UBAC2: variants seen among roughly 807,000 people sequenced by gnomAD.
The protein encoded by UBAC2 is ubiquitin-associated domain-containing protein 2.
UBAC2 carries 26 observed loss-of-function variants against 44.0 expected under a neutral mutation model. That is an observed-to-expected ratio of 0.59 (90% CI 0.43 to 0.82). UBAC2 has a LOEUF of 0.82. Ranked by LOEUF, UBAC2 falls within the 40% of genes least tolerant of loss-of-function variation. The pLI is 0.00. For synonymous variants in UBAC2, 155 were observed against 154.3 expected, an observed-to-expected ratio of 1.00 and a Z score of -0.04; for missense variants, 329 against 419.4, an observed-to-expected ratio of 0.78 and a Z score of 1.88.
At chr13:99,205,861 C>A in intron 1 of UBAC2, 1 of 160,560 alleles carries the variant, frequency 6.2e-6, no homozygotes. Flanking sequence ...AGAGGACGAC[C>A]ATCCCCGATA....
chr13:99,385,198 C>T (rs1262896823), intron 8 of UBAC2, 30 bp from the exon 9 acceptor site: 3 of 1,545,212 alleles, frequency 1.9e-6, no homozygotes, highest in African/African-American at 1.4e-5. Context: ...TGTCAGCGCC[C>T]TCAGGTTTCT....
chr13:99,211,897 C>T (rs1220840842), intron 1 of UBAC2, among the ~76,000 whole-genome samples: 3 of 152,160 alleles, frequency 2.0e-5, no homozygotes, highest in Non-Finnish European at 4.4e-5. Flanking sequence ...CCCCTTGGGA[C>T]CATGGCAGCC....
At position 99,286,094 on chromosome 13, in the gene UBAC2, C is replaced by T. The variant is rs185085236; in HGVS notation, c.390-28003C>T. ...TGTTCCAGGAGTCTATTCCTGGAGG[C>T]GCTGGATCTGGCCTTCTAGCCTTTT... On this transcript the variant is annotated intron_variant, in intron 4 of 8. Coordinates refer to ENST00000403766, the MANE Select transcript of UBAC2 (RefSeq NM_001144072.2). Among the ~76,000 whole-genome samples, 510 of 152,266 alleles carry T rather than the reference C, an allele frequency of 3.3e-3. 3 individuals are homozygous for T. The highest frequency in any genetic ancestry group is 0.012 in the African/African-American group (484 of 41,534).
rs1345943442 is a variant in UBAC2, at chr13:99,237,269, T to TACACACACAC, written c.32-1157_32-1156insCACACACACA. On this transcript the variant is annotated intron_variant, in intron 1 of 8. Coordinates refer to ENST00000403766, the MANE Select transcript of UBAC2 (RefSeq NM_001144072.2). ...AATTTTATGCGTATATATATATATA[T>TACACACACAC]ATACACACACACACACACACACACA... Among the ~76,000 whole-genome samples the TACACACACAC allele has an allele frequency of 5.6e-3, 686 of 122,772 alleles. 4 individuals are homozygous for TACACACACAC. Among genetic ancestry groups the TACACACACAC allele is most frequent in the East Asian group, 0.024 (92 of 3,802 alleles). 80.5% of individuals were successfully genotyped at this position (122,772 alleles called of 152,430 possible). A position where few individuals can be genotyped will look rare whatever the true frequency, so the allele number is the denominator to read the frequency against.
At chr13:99,313,955 C>A in intron 4 of UBAC2, 142 bp from the exon 5 acceptor site, 1 of 729,638 alleles carries the variant, frequency 1.4e-6, no homozygotes, top group Non-Finnish European at 2.1e-6. Flanking sequence ...GGACATGAAT[C>A]ATATTTGAAA....
At chr13:99,285,393 C>CTT (rs869067528) in intron 4 of UBAC2, among the ~76,000 whole-genome samples, 3 of 139,564 alleles carry the variant, frequency 2.1e-5, no homozygotes, top group Non-Finnish European at 4.7e-5. Context: ...TACCTTTCTT[C>CTT]TTTTTTTTTT....
intron 6 of UBAC2, among the ~76,000 whole-genome samples, 182 bp from the exon 7 acceptor site, chr13:99,340,138 T>C (rs2044862022): frequency 6.6e-6 from 1 of 152,220 alleles, no homozygotes; most frequent in African/African-American, 2.4e-5. Context: ...AAGTTCAATT[T>C]TGTGTTGATT....
intron 7 of UBAC2, among the ~76,000 whole-genome samples, chr13:99,353,001 T>C (rs1464046965): frequency 1.3e-5 from 2 of 152,252 alleles, no homozygotes; most frequent in Non-Finnish European, 2.9e-5. Context: ...AGCTGGCACG[T>C]GGCACCCTCC....
Position 99,295,994 on chromosome 13 carries a change from A to G in UBAC2, c.390-18103A>G. 6.2e-7 allele frequency: 1 copy of G among 1,614,202 alleles called. No homozygotes were observed. Among genetic ancestry groups the G allele is most frequent in the Non-Finnish European group, 8.5e-7 (1 of 1,180,030 alleles). ...GTTTTGAACAATGACGACCAAGGCTAGTAAGTTTCCCACGAGCCCAATGAT... is the reference window on the plus strand; with the variant it reads ...GTTTTGAACAATGACGACCAAGGCTGGTAAGTTTCCCACGAGCCCAATGAT... On this transcript the variant is annotated intron_variant, in intron 4 of 8. Transcript: ENST00000403766. The surrounding 1 kb of genome is among the most constrained non-coding windows in gnomAD (Gnocchi z 4.1).
intron 7 of UBAC2, among the ~76,000 whole-genome samples, chr13:99,351,203 T>C (rs1376693634): frequency 6.6e-6 from 1 of 152,236 alleles, no homozygotes; most frequent in African/African-American, 2.4e-5. Context: ...ATATTAGTTA[T>C]TATCATAGTA....
chr13:99,310,535 A>G (rs2044397838), intron 4 of UBAC2, among the ~76,000 whole-genome samples: 1 of 152,246 alleles, frequency 6.6e-6, no homozygotes, highest in South Asian at 2.1e-4. Flanking sequence ...TCAGTGACTA[A>G]TAACATTATG....
At position 99,314,217 on chromosome 13, in the gene UBAC2, G is replaced by C; in HGVS notation, c.510G>C (p.Leu170=). ...AGACATTGATTTATATATTGGGACT[G>C]CAGGTACAGTATGCATTTTTATGTT... The part of the protein sequence containing the change: ...TNKTLIYILG[L]QLFTSGSYIW... Residue 170 remains leucine (L), a synonymous_variant, in exon 5 of 9, where the codon CTG becomes CTC. Coordinates refer to ENST00000403766, the MANE Select transcript of UBAC2 (RefSeq NM_001144072.2). 6.2e-7 allele frequency: 1 copy of C among 1,604,734 alleles called. No homozygotes were observed. The highest frequency in any genetic ancestry group is 8.5e-7 in the Non-Finnish European group (1 of 1,177,168).
intron 4 of UBAC2, among the ~76,000 whole-genome samples, chr13:99,276,278 C>T (rs540388302): frequency 7.2e-5 from 11 of 152,278 alleles, no homozygotes; most frequent in Admixed American, 1.3e-4. Context: ...AGAGCTCAGT[C>T]TCAGAAGACT....
intron 4 of UBAC2, among the ~76,000 whole-genome samples, chr13:99,288,502 C>T (rs2044049579): frequency 1.3e-5 from 2 of 152,198 alleles, no homozygotes; most frequent in Non-Finnish European, 2.9e-5. Flanking sequence ...ACAGCTTCTT[C>T]TTTCTAACAA....
At chr13:99,250,156 G>T (rs2043439948) in intron 4 of UBAC2, among the ~76,000 whole-genome samples, 1 of 152,130 alleles carries the variant, frequency 6.6e-6, no homozygotes, top group Non-Finnish European at 1.5e-5. Context: ...CCAGAATGGT[G>T]TTTCCTAGGT....
chr13:99,263,432 A>G (rs1478986245), intron 4 of UBAC2, among the ~76,000 whole-genome samples: 2 of 152,226 alleles, frequency 1.3e-5, no homozygotes, highest in East Asian at 3.8e-4. Context: ...AATTGGGAAA[A>G]TGAAAATTAA....
intron 4 of UBAC2, among the ~76,000 whole-genome samples, chr13:99,246,235 TAATGTATGATTCTGAATAATGTTTG>T (rs2043381916): frequency 6.6e-6 from 1 of 152,232 alleles, no homozygotes; most frequent in Non-Finnish European, 1.5e-5. Flanking sequence ...GCTCTTTTAA[TAATGTATGATTCTGAATAATGTTTG>T]AATGGAGGCA....
At chr13:99,229,015 C>T (rs1053259969) in intron 1 of UBAC2, among the ~76,000 whole-genome samples, 3 of 152,150 alleles carry the variant, frequency 2.0e-5, no homozygotes, top group Non-Finnish European at 2.9e-5. Context: ...TGAGAATGTC[C>T]CCATCAGTGA....
chr13:99,356,176 T>A, intron 7 of UBAC2: 1 of 534,786 alleles, frequency 1.9e-6, no homozygotes, highest in Non-Finnish European at 3.8e-6. Flanking sequence ...GGTTGCATCC[T>A]AAGCTGTGCT....
Sources: gnomAD v4.1 joint callset for allele counts (sites outside exome capture counted in the v4.1 genomes callset) on GRCh38, gnomAD v4.1.1 for gene constraint, Gnocchi (gnomAD v3.1) non-coding constraint, MANE v1.5 for transcripts, NCBI Gene and HGNC (gene_info 2026-07-23, HGNC 2026-07-21) for gene names.